Variants in NAALADL2 observed in about 807,000 individuals in gnomAD.
NAALADL2 encodes inactive N-acetylated-alpha-linked acidic dipeptidase-like protein 2.
NAALADL2 carries 76 observed loss-of-function variants against 87.2 expected under a neutral mutation model. That is an observed-to-expected ratio of 0.87 (90% CI 0.72 to 1.05). The LOEUF (loss-of-function observed/expected upper bound fraction) is 1.05, where lower values mean the gene tolerates loss of function less well. Among genes scored for constraint, NAALADL2 ranks in the 50% least tolerant of loss-of-function variants. NAALADL2 has a pLI of 0.00. For synonymous variants in NAALADL2, 354 were observed against 331.0 expected (o/e 1.07, Z -0.75); for missense variants, 1,089 against 945.8 (o/e 1.15, Z -1.99).
intron 11 of NAALADL2, among the ~76,000 whole-genome samples, chr3:175,655,216 A>G (rs1046449379): frequency 6.6e-6 from 1 of 152,062 alleles, no homozygotes; most frequent in African/African-American, 2.4e-5. Flanking sequence ...TATTCTTATA[A>G]AATTTGTGTA....
intron 11 of NAALADL2, among the ~76,000 whole-genome samples, chr3:175,723,051 C>T (rs147509235): frequency 2.1e-3 from 327 of 152,228 alleles, no homozygotes; most frequent in African/African-American, 7.5e-3. Flanking sequence ...GCTTCTTAAT[C>T]GGCTCCTAGG....
At chr3:175,590,188 G>T (rs1721190114) in intron 10 of NAALADL2, among the ~76,000 whole-genome samples, 1 of 85,162 alleles carries the variant, frequency 1.2e-5, no homozygotes, top group African/African-American at 4.3e-5. Context: ...CTCCAGCCTG[G>T]GCGACAGAGC....
At chr3:175,559,265 T>C (rs1422239608) in intron 9 of NAALADL2, among the ~76,000 whole-genome samples, 1 of 151,990 alleles carries the variant, frequency 6.6e-6, no homozygotes, top group Non-Finnish European at 1.5e-5. Flanking sequence ...AATTTTTGTA[T>C]GTTAGTTATT....
intron 2 of NAALADL2, among the ~76,000 whole-genome samples, chr3:175,162,501 C>A (rs1004782965): frequency 6.6e-6 from 1 of 152,042 alleles, no homozygotes. Flanking sequence ...ACCAGAAGTT[C>A]TTATTTTCTT....
At chr3:175,734,872 TC>T (rs1219233669) in intron 11 of NAALADL2, among the ~76,000 whole-genome samples, 2 of 152,212 alleles carry the variant, frequency 1.3e-5, no homozygotes, top group Non-Finnish European at 2.9e-5. Context: ...AGAGACATTT[TC>T]CCCATTGTCT....
At chr3:175,330,037 A>T (rs553123854) in intron 5 of NAALADL2, among the ~76,000 whole-genome samples, 1 of 152,226 alleles carries the variant, frequency 6.6e-6, no homozygotes, top group East Asian at 1.9e-4. Context: ...GTGTACTTGT[A>T]TTGGAAGCAC....
chr3:175,319,816 T>A (rs1012299255), intron 4 of NAALADL2, among the ~76,000 whole-genome samples: 5 of 152,126 alleles, frequency 3.3e-5, no homozygotes, highest in African/African-American at 1.2e-4. Context: ...CGAGACTGTG[T>A]TTCAAAAAAT....
At chr3:174,495,472 T>G (rs1718473745) in intron 1 of NAALADL2, among the ~76,000 whole-genome samples, 1 of 152,186 alleles carries the variant, frequency 6.6e-6, no homozygotes, top group African/African-American at 2.4e-5. Context: ...CCAAACCTTT[T>G]TATGTCCTCT....
chr3:175,706,720 G>A lies in NAALADL2; in HGVS notation c.1897-30586G>A, dbSNP rs571682542. Among the ~76,000 whole-genome samples the A allele has an allele frequency of 1.1e-4, 17 of 152,218 alleles. No individual in the cohort carries two copies. The South Asian group carries it at 1.7e-3, about 15-fold the overall frequency. ...CACATTGATACATTAGCAGAAGAGGGTAATTAACTCAAGCTCCTGGCCTAG... is the reference window on the plus strand; with the variant it reads ...CACATTGATACATTAGCAGAAGAGGATAATTAACTCAAGCTCCTGGCCTAG... On this transcript the variant is annotated intron_variant, in intron 11 of 13. Coordinates refer to ENST00000454872, the MANE Select transcript of NAALADL2 (RefSeq NM_207015.3).
intron 5 of NAALADL2, among the ~76,000 whole-genome samples, chr3:175,377,824 A>G (rs1032491960): frequency 3.9e-5 from 6 of 152,318 alleles, no homozygotes; most frequent in African/African-American, 1.4e-4. Flanking sequence ...TTGATGGTGT[A>G]ACTTCAGAGA....
At chr3:175,049,919 A>G (rs1755152459) in intron 1 of NAALADL2, among the ~76,000 whole-genome samples, 1 of 152,190 alleles carries the variant, frequency 6.6e-6, no homozygotes, top group Admixed American at 6.5e-5. Context: ...GTTTTGTTAT[A>G]ATGTTGTTGT....
chr3:175,708,315 G>A (rs1435855611), intron 11 of NAALADL2, among the ~76,000 whole-genome samples: 1 of 152,052 alleles, frequency 6.6e-6, no homozygotes, highest in Non-Finnish European at 1.5e-5. Context: ...GCAATTTGAA[G>A]AATGGATTAG....
chr3:174,689,389 C>CG (rs1728350523), intron 2 of NAALADL2, among the ~76,000 whole-genome samples: 1 of 130,892 alleles, frequency 7.6e-6, no homozygotes, highest in South Asian at 2.6e-4. Context: ...CTCTACCCCC[C>CG]GCTTCACCTT....
chr3:175,677,522 G>A (rs1469175187), intron 11 of NAALADL2, among the ~76,000 whole-genome samples: 6 of 124,820 alleles, frequency 4.8e-5, no homozygotes, highest in Non-Finnish European at 8.5e-5. Flanking sequence ...TGTGTGTCTC[G>A]TTTATAGTGG....
At chr3:175,047,784 C>A (rs1442672088) in intron 1 of NAALADL2, among the ~76,000 whole-genome samples, 1 of 152,138 alleles carries the variant, frequency 6.6e-6, no homozygotes, top group Non-Finnish European at 1.5e-5. Context: ...AAAACTCTGG[C>A]ATTTTATTAA....
At chr3:174,945,001 T>C (rs1363566501) in intron 1 of NAALADL2, among the ~76,000 whole-genome samples, 1 of 152,170 alleles carries the variant, frequency 6.6e-6, no homozygotes, top group East Asian at 1.9e-4. Flanking sequence ...CCTTCAGTTC[T>C]TCTGGGTGAG....
chr3:175,104,332 C>T (rs1488483722), intron 2 of NAALADL2, among the ~76,000 whole-genome samples: 1 of 152,108 alleles, frequency 6.6e-6, no homozygotes, highest in Non-Finnish European at 1.5e-5. Flanking sequence ...GTTATCAGGG[C>T]ACTAGAAAGG....
At chr3:175,193,071 T>G (rs1010967277) in intron 2 of NAALADL2, among the ~76,000 whole-genome samples, 12 of 152,032 alleles carry the variant, frequency 7.9e-5, no homozygotes, top group African/African-American at 2.9e-4. Context: ...GTTGATGTTT[T>G]GAAAGTCGCC....
chr3:175,539,234 A>G (rs1362431813), intron 9 of NAALADL2, among the ~76,000 whole-genome samples: 3 of 152,098 alleles, frequency 2.0e-5, no homozygotes, highest in African/African-American at 4.8e-5. Context: ...TCCCCAAAAT[A>G]CCACCAGAAA....
Sources: allele counts gnomAD v4.1 joint callset (sites outside exome capture counted in the v4.1 genomes callset), GRCh38; gene constraint gnomAD v4.1.1; transcripts MANE v1.5; gene names NCBI Gene and HGNC (gene_info 2026-07-23, HGNC 2026-07-21).